PHIP: variants seen among roughly 807,000 people sequenced by gnomAD.
PHIP encodes PHIP subunit of CUL4-Ring ligase complex.
PHIP carries 54 observed loss-of-function variants against 236.8 expected under a neutral mutation model. The observed-to-expected ratio is 0.23, with a 90% CI of 0.18 to 0.29. The LOEUF is 0.29. PHIP is among the 10% of genes least tolerant of loss of function. The pLI is 1.00. For missense variants in PHIP, 1,370 were observed against 2,190.8 expected (o/e 0.63, Z 7.48); for synonymous variants, 756 against 718.9 (o/e 1.05, Z -0.83).
intron 7 of PHIP, among the ~76,000 whole-genome samples, chr6:79,033,547 C>T (rs999991550): frequency 1.3e-5 from 2 of 152,170 alleles, no homozygotes; most frequent in Non-Finnish European, 2.9e-5. Flanking sequence ...CCTCTGCTAG[C>T]TCCAACTTTT....
intron 27 of PHIP, among the ~76,000 whole-genome samples, chr6:78,968,509 T>C (rs1185485172): frequency 6.6e-6 from 1 of 152,226 alleles, no homozygotes; most frequent in East Asian, 1.9e-4. Flanking sequence ...GTAGGATCAA[T>C]TCTGGAACCT....
intron 29 of PHIP, among the ~76,000 whole-genome samples, chr6:78,964,578 C>T (rs546796236): frequency 7.2e-5 from 11 of 152,230 alleles, no homozygotes; most frequent in Non-Finnish European, 1.5e-4. Context: ...CTGCCACCTC[C>T]GCCTCCCAGG....
At chr6:79,008,088 G>A (rs577081664) in intron 15 of PHIP, among the ~76,000 whole-genome samples, 17 of 151,904 alleles carry the variant, frequency 1.1e-4, no homozygotes, top group South Asian at 6.2e-4. Context: ...CCCGGGAGGC[G>A]GAGGTTGCAG....
intron 7 of PHIP, among the ~76,000 whole-genome samples, chr6:79,034,054 C>T (rs572689994): frequency 1.3e-5 from 2 of 152,200 alleles, no homozygotes; most frequent in South Asian, 4.2e-4. Context: ...ATAGGAACAT[C>T]AGAGATTATA....
chr6:78,996,822 T>C (rs909193079), intron 19 of PHIP, among the ~76,000 whole-genome samples: 1 of 152,140 alleles, frequency 6.6e-6, no homozygotes, highest in African/African-American at 2.4e-5. Flanking sequence ...GAAATCAGCC[T>C]TACTTAAGTT....
rs1767491589 is a variant in PHIP, at chr6:78,970,908, T to C, written c.2890-20A>G. ...ATAAACCTAAAAAATAAAGTCATAA[T>C]CTTACAACCTGGATGTGTTTCCTTT... On this transcript the variant is annotated intron_variant, in intron 24 of 39. Transcript: ENST00000275034. The C allele has an allele frequency of 6.6e-7, 1 of 1,517,962 alleles. No homozygotes were observed. The highest frequency in any genetic ancestry group is 9.1e-7 in the Non-Finnish European group (1 of 1,102,800). The allele number at this position is 1,517,962 out of a possible 1,614,324, so 94.0% of individuals were successfully genotyped here.
Position 79,002,119 on chromosome 6 carries a change from T to C in PHIP, c.1659A>G (p.Ala553=). The C allele has an allele frequency of 6.2e-6, 10 of 1,606,122 alleles. No homozygotes were observed. The highest frequency in any genetic ancestry group is 8.5e-6 in the Non-Finnish European group (10 of 1,173,946). The change falls in exon 17 of 40, where the codon GCA becomes GCG. Residue 553 remains alanine (A), a synonymous_variant. Transcript: ENST00000275034. The stretch of plus-strand genomic sequence containing the variant: ...AATCACTATGAAAGAACATCTGATC[T>C]GCTATCTGCAAAAAGAAAAGTCCAT... The part of the protein sequence containing the change: ...FGSSSKYDKI[A]DQMFFHSDYR...
chr6:79,020,128 C>T (rs1014135537), intron 9 of PHIP, among the ~76,000 whole-genome samples: 2 of 151,844 alleles, frequency 1.3e-5, no homozygotes, highest in Admixed American at 1.3e-4. Flanking sequence ...TATTTCTGAG[C>T]TATAGGTTGG....
intron 7 of PHIP, among the ~76,000 whole-genome samples, chr6:79,040,389 A>G (rs1170346490): frequency 6.6e-6 from 1 of 152,150 alleles, no homozygotes; most frequent in African/African-American, 2.4e-5. Context: ...CCTTGGAAAA[A>G]GCTTTCAAAT....
chr6:78,988,404 A>C, intron 20 of PHIP, 55 bp from the exon 21 acceptor site: 1 of 1,328,840 alleles, frequency 7.5e-7, no homozygotes, highest in South Asian at 1.5e-5. Context: ...CAGGATTTTT[A>C]GTTTAAAAGT....
intron 27 of PHIP, among the ~76,000 whole-genome samples, chr6:78,966,777 A>C (rs1244202460): frequency 6.6e-6 from 1 of 152,228 alleles, no homozygotes; most frequent in African/African-American, 2.4e-5. Flanking sequence ...GAAAACTGTA[A>C]GTCACTTACT....
At chr6:78,980,775 T>C (rs1226620628) in intron 23 of PHIP, among the ~76,000 whole-genome samples, 1 of 152,022 alleles carries the variant, frequency 6.6e-6, no homozygotes, top group Non-Finnish European at 1.5e-5. Flanking sequence ...ACTGAGGAGC[T>C]AAAAGTTTGT....
rs1008279311 is a variant in PHIP, at chr6:78,937,698, T to C, written c.*2995A>G. Reference sequence around the variant, plus strand: ...AATAAGGCCAATCTTTAGTTTATAATACATGCAGAAAATAGTCCAATGCCA... The same window carrying C: ...AATAAGGCCAATCTTTAGTTTATAACACATGCAGAAAATAGTCCAATGCCA... On this transcript the variant is annotated 3_prime_UTR_variant, in exon 40 of 40. Transcript: ENST00000275034. The C allele has an allele frequency of 6.6e-6, 1 of 151,678 alleles. No homozygotes were observed. The highest frequency in any genetic ancestry group is 1.5e-5 in the Non-Finnish European group (1 of 67,642). The allele number at this position is 151,678 out of a possible 1,614,324, so 9.4% of individuals were successfully genotyped here. A position where few individuals can be genotyped will look rare whatever the true frequency, so the allele number is the denominator to read the frequency against.
At chr6:78,960,003 T>C (rs1380573428) in intron 31 of PHIP, among the ~76,000 whole-genome samples, 1 of 152,170 alleles carries the variant, frequency 6.6e-6, no homozygotes, top group South Asian at 2.1e-4. Flanking sequence ...CTGTACAGTA[T>C]TGGTTTAACC....
At position 78,956,920 on chromosome 6, in the gene PHIP, A is replaced by G. The variant is rs1362876059; in HGVS notation, c.3783-1238T>C. On this transcript the variant is annotated intron_variant, in intron 32 of 39. Transcript: ENST00000275034. ...CTATGAAACTGTATTAAAAGGATCCATCACATTACTTTGTATGTATCAATT... is the reference window on the plus strand; with the variant it reads ...CTATGAAACTGTATTAAAAGGATCCGTCACATTACTTTGTATGTATCAATT... The G allele has an allele frequency of 1.3e-5, 2 of 152,100 alleles. 1 individual carries two copies. Among genetic ancestry groups the G allele is most frequent in the Admixed American group, 1.3e-4 (2 of 15,266 alleles). The allele number at this position is 152,100 out of a possible 1,614,324, so 9.4% of individuals were successfully genotyped here. A position where few individuals can be genotyped will look rare whatever the true frequency, so the allele number is the denominator to read the frequency against.
intron 34 of PHIP, 22 bp from the exon 35 acceptor site, chr6:78,954,985 A>G: frequency 2.7e-6 from 4 of 1,500,196 alleles, no homozygotes; most frequent in Non-Finnish European, 2.7e-6. Flanking sequence ...GTGTTCAAAT[A>G]TATTAATAAA....
At position 79,017,497 on chromosome 6, in the gene PHIP, A is replaced by G; in HGVS notation, c.1081T>C (p.Leu361=). 6.2e-7 allele frequency: 1 copy of G among 1,609,722 alleles called. No individual in the cohort carries two copies. The highest frequency in any genetic ancestry group is 1.1e-5 in the South Asian group (1 of 90,928). Residue 361 remains leucine, a synonymous_variant, in exon 11 of 40, where the codon TTG becomes CTG. Coordinates refer to ENST00000275034, the MANE Select transcript of PHIP (RefSeq NM_017934.7). The part of the protein sequence containing the change: ...GSGQPEKISE[L]EFHTDKVDSI... The stretch of plus-strand genomic sequence containing the variant: ...CCAATACTTACAGTATGAAACTCCA[A>G]TTCTGATATTTTCTCTGGCTGACCT...
chr6:78,975,945 C>G (rs1205778298), intron 24 of PHIP, among the ~76,000 whole-genome samples: 1 of 151,376 alleles, frequency 6.6e-6, no homozygotes, highest in Non-Finnish European at 1.5e-5. Context: ...AATGGCCATA[C>G]TGCCCAAGGT....
Position 79,077,842 on chromosome 6 carries a change from C to T in PHIP, c.99+13G>A, listed in dbSNP as rs1307560196. On this transcript the variant is annotated intron_variant, in intron 2 of 39. Coordinates refer to ENST00000275034, the MANE Select transcript of PHIP (RefSeq NM_017934.7). ...GCGAGCGCCGGCCCGGCCCGCGCCG[C>T]GCGCCGCCGTACCTGAGCCGCCTGC... 8 of 1,449,800 alleles carry T rather than the reference C, an allele frequency of 5.5e-6. No homozygotes were observed. Among genetic ancestry groups the T allele is most frequent in the Non-Finnish European group, 7.3e-6 (8 of 1,097,378 alleles). 89.8% of individuals were successfully genotyped at this position (1,449,800 alleles called of 1,614,324 possible). A position where few individuals can be genotyped will look rare whatever the true frequency, so the allele number is the denominator to read the frequency against.
Sources: gnomAD v4.1 joint callset for allele counts (sites outside exome capture counted in the v4.1 genomes callset) on GRCh38, gnomAD v4.1.1 for gene constraint, MANE v1.5 for transcripts, NCBI Gene and HGNC (gene_info 2026-07-23, HGNC 2026-07-21) for gene names.